Variants in MED25 observed in about 807,000 individuals in gnomAD.
The protein encoded by MED25 is mediator complex subunit 25, also known as mediator of RNA polymerase II transcription subunit 25.
MED25 carries 62 observed loss-of-function variants against 89.4 expected under a neutral mutation model. That is an observed-to-expected ratio of 0.69 (90% CI 0.57 to 0.86). The LOEUF (loss-of-function observed/expected upper bound fraction) is 0.86. Among genes scored for constraint, MED25 ranks in the 40% least tolerant of loss-of-function variants. The probability of loss-of-function intolerance (pLI) is 0.00; values close to 1 mark genes in which losing one functional copy is unlikely to be tolerated. For synonymous variants in MED25, 449 were observed against 427.9 expected, an observed-to-expected ratio of 1.05 and a Z score of -0.61; for missense variants, 905 against 1,005.2, an observed-to-expected ratio of 0.90 and a Z score of 1.35.
In MED25 at chr19:49,834,672, A is replaced by C. The variant is rs2074082804; in HGVS notation, c.1483-314A>C. 2.3e-6 allele frequency: 1 copy of C among 435,660 alleles called. No homozygotes were observed. Among genetic ancestry groups the C allele is most frequent in the African/African-American group, 2.0e-5 (1 of 49,914 alleles). The allele number at this position is 435,660 out of a possible 1,614,324, so 27.0% of individuals were successfully genotyped here. A position where few individuals can be genotyped will look rare whatever the true frequency, so the allele number is the denominator to read the frequency against. Reference sequence around the variant, plus strand: ...CGTGACCCTCAGCCGCCCTCTGAGGAGGCCGCCGTGGCATTTTATGCCCAA... The same window carrying C: ...CGTGACCCTCAGCCGCCCTCTGAGGCGGCCGCCGTGGCATTTTATGCCCAA... On this transcript the variant is annotated intron_variant, in intron 13 of 17. Coordinates refer to ENST00000312865, the MANE Select transcript of MED25 (RefSeq NM_030973.4). The surrounding 1 kb of genome is among the most constrained non-coding windows in gnomAD (Gnocchi z 4.1).
intron 3 of MED25, among the ~76,000 whole-genome samples, chr19:49,822,386 C>T (rs73592281): frequency 7.3e-5 from 11 of 151,542 alleles, no homozygotes; most frequent in Non-Finnish European, 1.2e-4. Flanking sequence ...GTGGAGAGAT[C>T]GCACCACTGC....
chr19:49,825,669 T>C (rs2074011015), intron 3 of MED25, among the ~76,000 whole-genome samples: 2 of 151,518 alleles, frequency 1.3e-5, no homozygotes. Flanking sequence ...CTGTCTCTAC[T>C]AAAAATACAA....
downstream of MED25, chr19:49,837,037 G>A: frequency 2.0e-6 from 2 of 1,024,476 alleles, no homozygotes; most frequent in Non-Finnish European, 3.0e-6. Context: ...ACCCCAGGGG[G>A]CATCTCTGTC....
rs143148835 is a variant in MED25 at position 49,819,238 on chromosome 19, C to A, written c.247C>A (p.Gln83Lys). The change falls in exon 3 of 18, where the codon CAA becomes AAA. Residue 83 changes from glutamine (Q) to lysine (K), a missense_variant. Physicochemically the swap from Gln to Lys is moderately conservative, Grantham distance 53. Coordinates refer to ENST00000312865, the MANE Select transcript of MED25 (RefSeq NM_030973.4). ...GGACTGCGCTCCCGAGTCCTACGTA[C>A]AATGTCACGCTCCCACCAGCAGCGC... ...TVDCAPESYVQCHAPTSSAYE... is the reference protein window; with the variant it reads ...TVDCAPESYVKCHAPTSSAYE... 1.2e-6 allele frequency: 2 copies of A among 1,614,120 alleles called. No homozygotes were observed. Among genetic ancestry groups the A allele is most frequent in the Non-Finnish European group, 1.7e-6 (2 of 1,180,046 alleles).
downstream of MED25, among the ~76,000 whole-genome samples, chr19:49,837,647 C>T (rs991351755): frequency 1.3e-5 from 2 of 152,004 alleles, no homozygotes; most frequent in African/African-American, 4.8e-5. Flanking sequence ...GGTAGAGGTT[C>T]GCTCCCGGGG....
intron 3 of MED25, among the ~76,000 whole-genome samples, chr19:49,821,512 A>G (rs1444540848): frequency 2.0e-5 from 3 of 152,200 alleles, no homozygotes; most frequent in South Asian, 2.1e-4. Context: ...CACGCCTGTA[A>G]TCCCAGCACT....
rs144892223 is a variant in MED25, at chr19:49,829,898, T to C, written c.638T>C (p.Val213Ala). The C allele has an allele frequency of 1.4e-4, 223 of 1,613,466 alleles. No individual in the cohort carries two copies. In the African/African-American group the frequency reaches 2.5e-3, roughly 18 times the overall value. Residue 213 changes from valine (V) to alanine (A), a missense_variant, in exon 6 of 18, where the codon GTG becomes GCG. Physicochemically the swap from Val to Ala is moderately conservative, Grantham distance 64 (BLOSUM62 0). Transcript: ENST00000312865. This position sits in a 1 kb window ranked among gnomAD's most constrained non-coding sequence, Gnocchi z 4.6. ...LLEPLQPPTDVSQDPRHMVLV... is the reference protein window; with the variant it reads ...LLEPLQPPTDASQDPRHMVLV... The stretch of plus-strand genomic sequence containing the variant: ...GAGCCGCTGCAGCCTCCGACAGATG[T>C]GAGCCAGGACCCGAGGCACATGGTG...
chr19:49,819,560 TTG>T, intron 3 of MED25: 1 of 456,370 alleles, frequency 2.2e-6, no homozygotes, highest in East Asian at 4.8e-5. Context: ...TTGAGGGTGA[TTG>T]TGTTTTTGTC....
rs2074099705 is a variant in MED25, at chr19:49,836,531, T to C, written c.2146+125T>C. On this transcript the variant is annotated intron_variant, in intron 17 of 17. Coordinates refer to ENST00000312865, the MANE Select transcript of MED25 (RefSeq NM_030973.4). The surrounding 1 kb of genome is among the most constrained non-coding windows in gnomAD (Gnocchi z 5.1). ...GGATCCAAGAATGAGGGTTCCCCCATGGCCTTTGCGGAGCTCTGAGGGCTC... is the reference window on the plus strand; with the variant it reads ...GGATCCAAGAATGAGGGTTCCCCCACGGCCTTTGCGGAGCTCTGAGGGCTC... 15 of 1,255,594 alleles carry C rather than the reference T, an allele frequency of 1.2e-5. No individual in the cohort carries two copies. The East Asian group carries it at 3.5e-4, about 30-fold the overall frequency. The allele number at this position is 1,255,594 out of a possible 1,614,324, so 77.8% of individuals were successfully genotyped here.
In MED25 at chr19:49,832,329, C is replaced by T. The variant is rs759187460; in HGVS notation, c.1396C>T (p.Arg466Trp). 16 of 1,608,578 alleles carry T rather than the reference C, an allele frequency of 9.9e-6. No individual in the cohort carries two copies. In the Admixed American group the frequency reaches 1.3e-4, roughly 14 times the overall value. The change falls in exon 13 of 18, where the codon CGG becomes TGG. Residue 466 changes from arginine to tryptophan, a missense_variant. Arg to Trp is a moderately radical substitution (Grantham distance 101). Around this residue, in one of 3 missense-constraint regions of MED25, gnomAD observed 133 missense variants for 220.2 expected, o/e 0.60. Coordinates refer to ENST00000312865, the MANE Select transcript of MED25 (RefSeq NM_030973.4). ...GCAGACCACCCTGGGCCCTTTGTTC[C>T]GGAACTCAAGGATGGTCCAGTTCCA... ...QLLTTLGPLFRNSRMVQFHFT... is the reference protein window; with the variant it reads ...QLLTTLGPLFWNSRMVQFHFT...
Position 49,830,461 on chromosome 19 carries a change from G to A in MED25, c.820-50G>A. ...GTGACCTCGTGGGATACCAGGACTG[G>A]GGGGCCATGGTCCTCACCAGTCCCT... On this transcript the variant is annotated intron_variant, in intron 7 of 17. Coordinates refer to ENST00000312865, the MANE Select transcript of MED25 (RefSeq NM_030973.4). This position sits in a 1 kb window ranked among gnomAD's most constrained non-coding sequence, Gnocchi z 4.6. 1 of 1,580,596 alleles carries A rather than the reference G, an allele frequency of 6.3e-7. No homozygotes were observed. Among genetic ancestry groups the A allele is most frequent in the South Asian group, 1.1e-5 (1 of 90,046 alleles).
In MED25 at chr19:49,835,306, CA is replaced by C; in HGVS notation, c.1674+130del. 8.9e-7 allele frequency: 1 copy of C among 1,119,294 alleles called. No homozygotes were observed. The highest frequency in any genetic ancestry group is 1.3e-6 in the Non-Finnish European group (1 of 742,408). 69.3% of individuals were successfully genotyped at this position (1,119,294 alleles called of 1,614,324 possible). A position where few individuals can be genotyped will look rare whatever the true frequency, so the allele number is the denominator to read the frequency against. On this transcript the variant is annotated intron_variant, in intron 14 of 17. Coordinates refer to ENST00000312865, the MANE Select transcript of MED25 (RefSeq NM_030973.4). The surrounding 1 kb of genome is among the most constrained non-coding windows in gnomAD (Gnocchi z 6.2). Reference sequence around the variant, plus strand: ...TATGTGGTGCCTCCAAGCTAAGTCCCACTCAGATTTTCTTGCAGTCTCTCTC... The same window carrying C: ...TATGTGGTGCCTCCAAGCTAAGTCCCCTCAGATTTTCTTGCAGTCTCTCTC...
chr19:49,818,570 G>A lies in MED25; in HGVS notation c.135-1G>A, dbSNP rs2073955922. ...CGACCTTTCACTTCCTACCCTCACA[G>A]GTATTTTAATGGTGGTCCTCCTGCT... is the stretch of plus-strand genomic sequence containing the variant. On this transcript the variant is annotated splice_acceptor_variant, in intron 1 of 17. Transcript: ENST00000312865. LOFTEE classifies it high-confidence loss of function. 2 of 1,614,196 alleles carry A rather than the reference G, an allele frequency of 1.2e-6. No individual in the cohort carries two copies. The highest frequency in any genetic ancestry group is 1.7e-6 in the Non-Finnish European group (2 of 1,180,038).
chr19:49,835,149 A>G lies in MED25; in HGVS notation c.1646A>G (p.Gln549Arg), dbSNP rs1304872830. Residue 549 changes from glutamine to arginine, a missense_variant, in exon 14 of 18, where the codon CAG becomes CGG. Coordinates refer to ENST00000312865, the MANE Select transcript of MED25 (RefSeq NM_030973.4). The surrounding 1 kb of genome is among the most constrained non-coding windows in gnomAD (Gnocchi z 6.2). ...QVITNHKQVQQQKLEQQQRGM... is the reference protein window; with the variant it reads ...QVITNHKQVQRQKLEQQQRGM... ...ATCACCAACCACAAGCAGGTCCAGC[A>G]GCAGAAGCTGGAGCAGCAGCAGCGA... The G allele has an allele frequency of 1.9e-6, 3 of 1,614,066 alleles. No homozygotes were observed. The highest frequency in any genetic ancestry group is 2.5e-6 in the Non-Finnish European group (3 of 1,180,010).
At chr19:49,832,194 A>G (rs762322515) in intron 12 of MED25, 37 bp downstream of exon 12, 6 of 1,607,280 alleles carry the variant, frequency 3.7e-6, no homozygotes, top group Non-Finnish European at 5.1e-6. Flanking sequence ...GCTGCCGGGC[A>G]GTCCTCACCC....
In MED25 at chr19:49,835,821, C is replaced by T. The variant is rs201294692; in HGVS notation, c.1841C>T (p.Pro614Leu). Residue 614 changes from proline (P) to leucine (L), a missense_variant, in exon 16 of 18, where the codon CCG (proline) becomes CTG (leucine). Coordinates refer to ENST00000312865, the MANE Select transcript of MED25 (RefSeq NM_030973.4). The surrounding 1 kb of genome is among the most constrained non-coding windows in gnomAD (Gnocchi z 6.2). ...CAGCCCCAAGGTACTGCCCAGCCCC[C>T]GCCAGGTGCCCCTCAAGGCCCTCCT... ...QPQPQGTAQP[P>L]PGAPQGPPGA... 2.9e-5 allele frequency: 47 copies of T among 1,609,966 alleles called. No homozygotes were observed. The highest frequency in any genetic ancestry group is 9.3e-5 in the African/African-American group (7 of 74,986).
At chr19:49,833,424 G>A in intron 13 of MED25, 1 of 152,162 alleles carries the variant, frequency 6.6e-6, no homozygotes. Context: ...TAGCTTTCTG[G>A]GAGTCACAGT....
rs762707429 is a variant in MED25, at chr19:49,828,998, A to G, written c.433A>G (p.Ile145Val). The G allele has an allele frequency of 1.2e-6, 2 of 1,614,000 alleles. No homozygotes were observed. The highest frequency in any genetic ancestry group is 1.7e-5 in the Admixed American group (1 of 60,004). Residue 145 changes from isoleucine (I) to valine (V), a missense_variant, in exon 5 of 18, where the codon ATC (isoleucine) becomes GTC (valine). Ile to Val is a conservative substitution (Grantham distance 29). Around this residue, in one of 3 missense-constraint regions of MED25, gnomAD observed 501 missense variants for 526.9 expected, o/e 0.95. Transcript: ENST00000312865. ...CCAGACGCACCGGGTCTGCCTCCTC[A>G]TCTGCAACTCACCCCCATACTTGTT... ...IGQTHRVCLL[I>V]CNSPPYLLPA...
At chr19:49,828,297 A>G (rs182280868) in intron 3 of MED25, 152 bp from the exon 4 acceptor site, 281 of 679,196 alleles carry the variant, frequency 4.1e-4, no homozygotes, top group African/African-American at 3.5e-3. Flanking sequence ...TGCTAGCACC[A>G]GGGATTGGGT....
Sources: allele counts gnomAD v4.1 joint callset (sites outside exome capture counted in the v4.1 genomes callset), GRCh38; gene constraint gnomAD v4.1.1; regional missense constraint gnomAD v4.1.1; non-coding constraint Gnocchi (gnomAD v3.1); transcripts MANE v1.5; gene names NCBI Gene and HGNC (gene_info 2026-07-23, HGNC 2026-07-21).